Variants in LYPD6 observed in about 807,000 individuals in gnomAD.
LYPD6 encodes LY6/PLAUR domain containing 6, also known as ly6/PLAUR domain-containing protein 6.
In LYPD6, 15 loss-of-function variants were observed where a neutral mutation model predicts 22.7. The observed-to-expected ratio is 0.66, with a 90% CI of 0.44 to 1.02. LYPD6 has a LOEUF of 1.02. Ranked by LOEUF, LYPD6 falls within the 50% of genes least tolerant of loss-of-function variation. The pLI is 0.00. For synonymous variants in LYPD6, 72 were observed against 77.5 expected (o/e 0.93, Z 0.37); for missense variants, 189 against 208.4 (o/e 0.91, Z 0.57).
chr2:149,428,195 T>C (rs1683226341), intron 1 of LYPD6, among the ~76,000 whole-genome samples: 1 of 152,208 alleles, frequency 6.6e-6, no homozygotes, highest in African/African-American at 2.4e-5. Context: ...GAAATATTAA[T>C]GTAAAAAGCA....
At chr2:149,359,463 A>T (rs912613964) in intron 1 of LYPD6, among the ~76,000 whole-genome samples, 1 of 152,254 alleles carries the variant, frequency 6.6e-6, no homozygotes, top group African/African-American at 2.4e-5. Context: ...TTTGAAACTG[A>T]GGAGAAAATA....
chr2:149,405,644 C>G (rs1414282112), intron 1 of LYPD6, among the ~76,000 whole-genome samples: 1 of 152,172 alleles, frequency 6.6e-6, no homozygotes, highest in Non-Finnish European at 1.5e-5. Flanking sequence ...ATTAGTCTTG[C>G]TAGTGGTCTA....
At chr2:149,449,443 C>T (rs944433543) in intron 3 of LYPD6, among the ~76,000 whole-genome samples, 27 of 152,202 alleles carry the variant, frequency 1.8e-4, no homozygotes, top group Admixed American at 9.2e-4. Flanking sequence ...GCCAGTCTGT[C>T]TGCCACTCTG....
At chr2:149,403,262 G>T (rs1231509557) in intron 1 of LYPD6, among the ~76,000 whole-genome samples, 1 of 150,864 alleles carries the variant, frequency 6.6e-6, no homozygotes, top group East Asian at 1.9e-4. Context: ...GGGATGGCTG[G>T]GTCAAATGGT....
At chr2:149,439,342 TGAAGA>T (rs1331656047) in intron 2 of LYPD6, among the ~76,000 whole-genome samples, 1 of 152,224 alleles carries the variant, frequency 6.6e-6, no homozygotes, top group African/African-American at 2.4e-5. Context: ...ATAATATGCA[TGAAGA>T]GAAGGTGCTT....
At chr2:149,480,163 C>T in the LYPD6 span, among the ~76,000 whole-genome samples, 6 of 152,262 alleles carry the variant, frequency 3.9e-5, no homozygotes, top group East Asian at 1.2e-3. Flanking sequence ...GCATGCACCA[C>T]CACATCTGGC....
rs544142664 is a variant in LYPD6, at chr2:149,333,410, G to A, written c.-72+2688G>A. Among the ~76,000 whole-genome samples the A allele has an allele frequency of 2.6e-5, 4 of 152,266 alleles. No individual in the cohort carries two copies. In the South Asian group the frequency reaches 6.2e-4, roughly 24 times the overall value. On this transcript the variant is annotated intron_variant, in intron 1 of 4. Transcript: ENST00000334166. ...TGAGATTAATCTCATTTGCAATAAC[G>A]TGGTTAAGTGTTGAGCTTACTACTA... is the stretch of plus-strand genomic sequence containing the variant.
chr2:149,379,101 C>T (rs1287607037), intron 1 of LYPD6, among the ~76,000 whole-genome samples: 1 of 152,116 alleles, frequency 6.6e-6, no homozygotes, highest in Admixed American at 6.6e-5. Context: ...ACTATATAAA[C>T]CAAAGTTTGT....
At chr2:149,414,339 A>G (rs1682916739) in intron 1 of LYPD6, among the ~76,000 whole-genome samples, 1 of 152,212 alleles carries the variant, frequency 6.6e-6, no homozygotes, top group South Asian at 2.1e-4. Context: ...CACATTCTAC[A>G]GTTTTGTAAT....
chr2:149,372,615 G>T (rs1206241758), intron 1 of LYPD6, among the ~76,000 whole-genome samples: 1 of 152,140 alleles, frequency 6.6e-6, no homozygotes, highest in Non-Finnish European at 1.5e-5. Context: ...GTCTAAACTT[G>T]CAGAGCATTC....
chr2:149,445,113 A>G (rs1360991239), intron 2 of LYPD6, among the ~76,000 whole-genome samples: 1 of 151,586 alleles, frequency 6.6e-6, no homozygotes, highest in Non-Finnish European at 1.5e-5. Flanking sequence ...TAGATCTCCT[A>G]CAGCTCTTGA....
intron 3 of LYPD6, among the ~76,000 whole-genome samples, chr2:149,453,807 A>G (rs1428766658): frequency 6.6e-6 from 1 of 152,160 alleles, no homozygotes; most frequent in African/African-American, 2.4e-5. Context: ...TAAGGGTGGA[A>G]TTTTCTTCCT....
At chr2:149,404,319 T>G (rs1470605460) in intron 1 of LYPD6, among the ~76,000 whole-genome samples, 2 of 152,222 alleles carry the variant, frequency 1.3e-5, no homozygotes, top group Non-Finnish European at 2.9e-5. Flanking sequence ...TAAATTACCT[T>G]GGGCAGTATG....
chr2:149,401,319 A>G (rs555256649), intron 1 of LYPD6, among the ~76,000 whole-genome samples: 209 of 152,304 alleles, frequency 1.4e-3, no homozygotes, highest in Middle Eastern at 6.8e-3. Flanking sequence ...GCCGGTTGCC[A>G]CCCTGAACAA....
intron 1 of LYPD6, among the ~76,000 whole-genome samples, chr2:149,373,705 G>C (rs573776808): frequency 7.9e-5 from 12 of 152,308 alleles, no homozygotes; most frequent in African/African-American, 2.9e-4. Context: ...TGGCTTATTT[G>C]GAGGTGTGCT....
At chr2:149,399,575 T>C (rs779138832) in intron 1 of LYPD6, among the ~76,000 whole-genome samples, 3 of 151,860 alleles carry the variant, frequency 2.0e-5, no homozygotes, top group Non-Finnish European at 4.4e-5. Context: ...AAGAAACCTA[T>C]GGGATATAGG....
intron 3 of LYPD6, among the ~76,000 whole-genome samples, chr2:149,454,989 C>T (rs17433067): frequency 0.2 from 29,667 of 151,744 alleles, 2,932 homozygotes; most frequent in Middle Eastern, 0.25. Flanking sequence ...CTTGGTTTCT[C>T]AGCCTCTCCA....
intron 1 of LYPD6, among the ~76,000 whole-genome samples, chr2:149,401,198 C>A (rs1156593119): frequency 6.6e-6 from 1 of 152,112 alleles, no homozygotes; most frequent in African/African-American, 2.4e-5. Flanking sequence ...AGGAATGTAC[C>A]ACATGACCAT....
intron 1 of LYPD6, among the ~76,000 whole-genome samples, chr2:149,402,543 C>G (rs978873488): frequency 6.6e-6 from 1 of 152,042 alleles, no homozygotes. Flanking sequence ...GGCATCCATG[C>G]CAACATCTGT....
Sources: allele counts gnomAD v4.1 joint callset (sites outside exome capture counted in the v4.1 genomes callset), GRCh38; gene constraint gnomAD v4.1.1; transcripts MANE v1.5; gene names NCBI Gene and HGNC (gene_info 2026-07-23, HGNC 2026-07-21).